BBOF1: variants seen among roughly 807,000 people sequenced by gnomAD.
BBOF1 encodes basal body orientation factor 1, also known as basal body-orientation factor 1.
BBOF1 carries 62 observed loss-of-function variants against 68.0 expected under a neutral mutation model. That is an observed-to-expected ratio of 0.91 (90% CI 0.74 to 1.13). The LOEUF is 1.13. Among genes scored for constraint, BBOF1 ranks in the 50% most tolerant of loss-of-function variants. BBOF1 has a pLI of 0.00. For synonymous variants in BBOF1, 208 were observed against 198.8 expected (o/e 1.05, Z -0.39); for missense variants, 534 against 600.1 (o/e 0.89, Z 1.15).
At chr14:74,074,614 G>C (rs1057214169) in intron 9 of BBOF1, among the ~76,000 whole-genome samples, 1 of 152,244 alleles carries the variant, frequency 6.6e-6, no homozygotes, top group East Asian at 1.9e-4. Flanking sequence ...GTGGTACAGT[G>C]TGTGCATACT....
chr14:74,057,611 C>G (rs781442227), intron 11 of BBOF1: 3 of 1,338,620 alleles, frequency 2.2e-6, no homozygotes, highest in South Asian at 2.5e-5. Context: ...TCATTACAAC[C>G]TAGAGGACAA....
In BBOF1 at chr14:74,050,110, A is replaced by G; in HGVS notation, c.1201A>G (p.Thr401Ala). ...LKMRAACTGR[T>A]EYPKIRTFDG... ...AATGAGAGCAGCATGTACAGGAAGA[A>G]CAGAATATCCCAAAATCAGAACATT... The change falls in exon 8 of 12, where the codon ACA becomes GCA. Residue 401 changes from threonine to alanine, a missense_variant. Thr to Ala is a moderately conservative substitution (Grantham distance 58, BLOSUM62 0). Coordinates refer to ENST00000394009, the MANE Select transcript of BBOF1 (RefSeq NM_025057.3). 1 of 1,612,318 alleles carries G rather than the reference A, an allele frequency of 6.2e-7. No homozygotes were observed. Among genetic ancestry groups the G allele is most frequent in the Admixed American group, 1.7e-5 (1 of 59,814 alleles).
At chr14:74,067,651 G>C, downstream of BBOF1, 1 of 1,445,278 alleles carries the variant, frequency 6.9e-7, no homozygotes, top group East Asian at 2.3e-5. Flanking sequence ...GACCAGGTGT[G>C]GTGGCTAATG....
intron 2 of BBOF1, among the ~76,000 whole-genome samples, chr14:74,024,267 G>A (rs747911213): frequency 4.6e-5 from 7 of 151,968 alleles, no homozygotes; most frequent in Non-Finnish European, 8.8e-5. Context: ...GGACCAGCCT[G>A]GGGAACAAAG....
chr14:74,055,711 T>C (rs763969042), intron 9 of BBOF1, 26 bp downstream of exon 9: 1 of 1,524,672 alleles, frequency 6.6e-7, no homozygotes, highest in East Asian at 2.3e-5. Context: ...TGCAGTGAAA[T>C]ACCAAGTTGT....
chr14:74,066,699 G>A (rs1220142991), downstream of BBOF1: 1 of 1,613,476 alleles, frequency 6.2e-7, no homozygotes. Flanking sequence ...AGTGAAAGTT[G>A]TTCACCTTGA....
rs373640979 is a variant in BBOF1, at chr14:74,034,132, C to T, written c.456C>T (p.Phe152=). Reference sequence around the variant, plus strand: ...CAGAGCTGAAAGCAGTAAGACAATTCCAGAAGAGAAAAATCCAAGTGGAGA... The same window carrying T: ...CAGAGCTGAAAGCAGTAAGACAATTTCAGAAGAGAAAAATCCAAGTGGAGA... ...IHTELKAVRQ[F]QKRKIQVERE... is the part of the protein sequence containing the mutation. The change falls in exon 4 of 12, where the codon TTC becomes TTT. Residue 152 remains phenylalanine, a synonymous_variant. Transcript: ENST00000394009. 6 of 1,587,590 alleles carry T rather than the reference C, an allele frequency of 3.8e-6. No homozygotes were observed. In the African/African-American group the frequency reaches 6.8e-5, roughly 18 times the overall value.
rs200646203 is a variant in BBOF1 at position 74,071,184 on chromosome 14, A to G, written n.1380-7012A>G. 9.3e-6 allele frequency: 15 copies of G among 1,612,608 alleles called. No homozygotes were observed. The highest frequency in any genetic ancestry group is 5.0e-5 in the Admixed American group (3 of 59,998). The stretch of plus-strand genomic sequence containing the variant: ...GCCAGATTAAGTAGCCATATGCATA[A>G]GGGCAGTTACCTTCATGCTGTCCAT... On this transcript the variant is annotated intron_variant and non_coding_transcript_variant, in intron 9 of 12. Transcript: ENST00000492026.
At chr14:74,023,942 AAG>A (rs1346741882) in intron 2 of BBOF1, among the ~76,000 whole-genome samples, 1 of 148,278 alleles carries the variant, frequency 6.7e-6, no homozygotes, top group Admixed American at 6.7e-5. Context: ...AAAAAAAAAA[AAG>A]AAAAGAAAAG....
chr14:74,035,132 T>C (rs1404872995), intron 4 of BBOF1, among the ~76,000 whole-genome samples: 3 of 152,028 alleles, frequency 2.0e-5, no homozygotes, highest in Non-Finnish European at 4.4e-5. Context: ...TTTCATAGAA[T>C]TGTTATAGGA....
At chr14:74,025,367 G>A (rs966265028) in intron 2 of BBOF1, among the ~76,000 whole-genome samples, 2 of 152,154 alleles carry the variant, frequency 1.3e-5, no homozygotes, top group African/African-American at 4.8e-5. Context: ...TTGGGAGGAA[G>A]AAACAAAGTA....
intron 9 of BBOF1, among the ~76,000 whole-genome samples, chr14:74,075,710 G>A (rs2060605707): frequency 1.3e-5 from 2 of 151,916 alleles, no homozygotes; most frequent in African/African-American, 2.4e-5. Context: ...TATAATCAAT[G>A]TAAATATAAA....
In BBOF1 at chr14:74,046,065, A is replaced by C; in HGVS notation, c.582A>C (p.Arg194=). The C allele has an allele frequency of 6.2e-7, 1 of 1,607,004 alleles. No homozygotes were observed. Among genetic ancestry groups the C allele is most frequent in the Non-Finnish European group, 8.5e-7 (1 of 1,176,796 alleles). Reference sequence around the variant, plus strand: ...CAGCCCATTTTCTTTTTTAGCACCGACTAGAACAAGAGGCTGAAAAGAAGA... The same window carrying C: ...CAGCCCATTTTCTTTTTTAGCACCGCCTAGAACAAGAGGCTGAAAAGAAGA... ...LESRFFEEKH[R]LEQEAEKKII... Residue 194 remains arginine (R), a synonymous_variant, in exon 6 of 12, where the codon CGA becomes CGC. Transcript: ENST00000394009.
intron 8 of BBOF1, among the ~76,000 whole-genome samples, chr14:74,054,534 A>G (rs1244576942): frequency 6.6e-6 from 1 of 151,286 alleles, no homozygotes; most frequent in East Asian, 2.0e-4. Context: ...GCCCACCACC[A>G]TGCCCAGCTA....
intron 2 of BBOF1, among the ~76,000 whole-genome samples, chr14:74,026,066 A>G (rs555565700): frequency 4.0e-5 from 6 of 151,282 alleles, no homozygotes; most frequent in Non-Finnish European, 8.8e-5. Flanking sequence ...GCTTGAACCC[A>G]GGTGGCAGAG....
downstream of BBOF1, among the ~76,000 whole-genome samples, chr14:74,070,215 T>C (rs1470319236): frequency 6.6e-6 from 1 of 152,080 alleles, no homozygotes; most frequent in South Asian, 2.1e-4. Context: ...CCCTTCTTTT[T>C]TGTCCTTTAA....
At chr14:74,032,860 C>A (rs2059608941) in intron 3 of BBOF1, among the ~76,000 whole-genome samples, 1 of 151,956 alleles carries the variant, frequency 6.6e-6, no homozygotes. Flanking sequence ...ATTTGCATTT[C>A]TTTTAGTACC....
rs1488687479 is a variant in BBOF1 at position 74,071,785 on chromosome 14, A to G, written n.1380-6411A>G. 7 of 1,478,650 alleles carry G rather than the reference A, an allele frequency of 4.7e-6. No homozygotes were observed. In the East Asian group the frequency reaches 1.1e-4, roughly 24 times the overall value. The allele number at this position is 1,478,650 out of a possible 1,614,324, so 91.6% of individuals were successfully genotyped here. On this transcript the variant is annotated intron_variant and non_coding_transcript_variant, in intron 9 of 12. Coordinates refer to the BBOF1 transcript ENST00000492026. The stretch of plus-strand genomic sequence containing the variant: ...TTTCACAAGTATTAAAAAAGATATC[A>G]TGGGATGGCAAAATCTATGTAAAGG...
At chr14:74,073,856 T>A (rs5025653) in intron 9 of BBOF1, among the ~76,000 whole-genome samples, 35,704 of 147,088 alleles carry the variant, frequency 0.24, 4,879 homozygotes, top group South Asian at 0.46. Context: ...AGGTGGAGGT[T>A]GCAGTGAGCT....
Sources: allele counts gnomAD v4.1 joint callset (sites outside exome capture counted in the v4.1 genomes callset), GRCh38; gene constraint gnomAD v4.1.1; transcripts MANE v1.5; gene names NCBI Gene and HGNC (gene_info 2026-07-23, HGNC 2026-07-21).